The following CGN variants were observed in gnomAD, a reference collection of about 807,000 sequenced individuals.
CGN encodes the protein cingulin.
A neutral mutation model predicts 157.1 loss-of-function variants in CGN; 121 were observed. That is an observed-to-expected ratio of 0.77 (90% CI 0.66 to 0.90). CGN has a LOEUF of 0.90. Ranked by LOEUF, CGN falls within the 40% of genes least tolerant of loss-of-function variation. The pLI is 0.00. For synonymous variants in CGN, 535 were observed against 607.5 expected, an observed-to-expected ratio of 0.88 and a Z score of 1.76; for missense variants, 1,424 against 1,520.9, an observed-to-expected ratio of 0.94 and a Z score of 1.06.
chr1:151,518,132 C>A (rs1664452811), intron 1 of CGN, among the ~76,000 whole-genome samples: 1 of 152,228 alleles, frequency 6.6e-6, no homozygotes, highest in Non-Finnish European at 1.5e-5. Context: ...CAGGTGTGAG[C>A]CACTGCTCCT....
At chr1:151,519,564 G>A (rs186698061) in intron 2 of CGN, among the ~76,000 whole-genome samples, 172 bp downstream of exon 2, 101 of 152,334 alleles carry the variant, frequency 6.6e-4, no homozygotes, top group Non-Finnish European at 1.1e-3. Flanking sequence ...CACATGCACA[G>A]GATATTTCCA....
In CGN at chr1:151,526,775, A is replaced by G. The variant is rs548411285; in HGVS notation, c.1764-200A>G. ...AGGCATGAGCCACCATGCCTGGCCC[A>G]CTTCCTTTCTATCTATGGTATGCTC... On this transcript the variant is annotated intron_variant, in intron 9 of 20. Coordinates refer to ENST00000271636, the MANE Select transcript of CGN (RefSeq NM_020770.3). Among the ~76,000 whole-genome samples, 13 of 152,128 alleles carry G rather than the reference A, an allele frequency of 8.5e-5. No individual in the cohort carries two copies. In the South Asian group the frequency reaches 1.2e-3, roughly 15 times the overall value.
Position 151,519,099 on chromosome 1 carries a change from C to T in CGN, c.580C>T (p.Arg194Trp), listed in dbSNP as rs200877437. The T allele has an allele frequency of 2.2e-5, 35 of 1,614,066 alleles. No individual in the cohort carries two copies. Among genetic ancestry groups the T allele is most frequent in the African/African-American group, 2.7e-5 (2 of 75,060 alleles). The change falls in exon 2 of 21, where the codon CGG becomes TGG. Residue 194 changes from arginine (R) to tryptophan (W), a missense_variant. This residue lies in a region of CGN where 1,187 missense variants were observed against 1,217.6 expected (regional missense o/e 0.97). Transcript: ENST00000271636. ...TGACAGTCAACTTGGAGGCCAGGCC[C>T]GGGGTCGGACTGGCCGCCGAACACG... ...KFDSQLGGQA[R>W]GRTGRRTRML...
chr1:151,528,241 C>T (rs1039887536), intron 10 of CGN, among the ~76,000 whole-genome samples: 2 of 152,014 alleles, frequency 1.3e-5, no homozygotes, highest in Non-Finnish European at 2.9e-5. Context: ...CCCTCCTTGG[C>T]CTCCCAAAGT....
In CGN at chr1:151,520,598, G is replaced by A; in HGVS notation, c.1047G>A (p.Met349Ile). ...CACACCCCCCATATCTCTGGCAGATGGTTTCTTCTGGTTCTACTAAGGCCG... is the reference window on the plus strand; with the variant it reads ...CACACCCCCCATATCTCTGGCAGATAGTTTCTTCTGGTTCTACTAAGGCCG... ...LVLEKMQPLV[M>I]VSSGSTKAVA... The change falls in exon 5 of 21, where the codon ATG becomes ATA. Residue 349 changes from methionine to isoleucine, a missense_variant and splice_region_variant. Met to Ile is a conservative substitution (Grantham distance 10). Coordinates refer to ENST00000271636, the MANE Select transcript of CGN (RefSeq NM_020770.3). 1.9e-6 allele frequency: 3 copies of A among 1,614,212 alleles called. No homozygotes were observed. Among genetic ancestry groups the A allele is most frequent in the Non-Finnish European group, 1.7e-6 (2 of 1,180,030 alleles).
chr1:151,513,192 C>T (rs1228879224), intron 1 of CGN, among the ~76,000 whole-genome samples: 1 of 152,236 alleles, frequency 6.6e-6, no homozygotes, highest in African/African-American at 2.4e-5. Flanking sequence ...CCTCTGCCTC[C>T]TCCGTGGTGT....
Position 151,525,547 on chromosome 1 carries a change from C to A in CGN, c.1615-95C>A, listed in dbSNP as rs993114090. ...GGGGGTGCACCTGGCATGGTGCCCT[C>A]TGGGTCTAAGCCTTTCCTTGTACAC... On this transcript the variant is annotated intron_variant, in intron 8 of 20. Coordinates refer to ENST00000271636, the MANE Select transcript of CGN (RefSeq NM_020770.3). 1.6e-5 allele frequency: 17 copies of A among 1,055,154 alleles called. No homozygotes were observed. In the African/African-American group the frequency reaches 2.7e-4, roughly 16 times the overall value. 65.4% of individuals were successfully genotyped at this position (1,055,154 alleles called of 1,614,324 possible).
At position 151,533,963 on chromosome 1, in the gene CGN, C is replaced by T. The variant is rs1468071273; in HGVS notation, c.2743-12C>T. 4 of 1,597,454 alleles carry T rather than the reference C, an allele frequency of 2.5e-6. No individual in the cohort carries two copies. The highest frequency in any genetic ancestry group is 3.4e-6 in the Non-Finnish European group (4 of 1,174,694). On this transcript the variant is annotated splice_polypyrimidine_tract_variant and intron_variant, in intron 14 of 20. Transcript: ENST00000271636. ...ACTACACTGAGCTGTGGCATTTTTA[C>T]CCCCTGCCCAGATCCAGAGGCTGCG... is the stretch of plus-strand genomic sequence containing the variant.
Position 151,525,526 on chromosome 1 carries a change from G to A in CGN, c.1615-116G>A, listed in dbSNP as rs968392165. The A allele has an allele frequency of 7.3e-6, 5 of 683,528 alleles. No individual in the cohort carries two copies. The South Asian group carries it at 1.7e-4, about 23-fold the overall frequency. 42.3% of individuals were successfully genotyped at this position (683,528 alleles called of 1,614,324 possible). On this transcript the variant is annotated intron_variant, in intron 8 of 20. Transcript: ENST00000271636. ...CCAGGTACCACAAGAGTGTCAGGGGGTGCACCTGGCATGGTGCCCTCTGGG... is the reference window on the plus strand; with the variant it reads ...CCAGGTACCACAAGAGTGTCAGGGGATGCACCTGGCATGGTGCCCTCTGGG...
chr1:151,523,493 A>G lies in CGN; in HGVS notation c.1200A>G (p.Thr400=). The change falls in exon 6 of 21, where the codon ACA becomes ACG. Residue 400 remains threonine (T), a synonymous_variant. Transcript: ENST00000271636. The stretch of plus-strand genomic sequence containing the variant: ...TGGAGCGGCAGCTGGAGGAGAAAAC[A>G]GAAGAGTGCAGCCGACTGCAGGAGC... ...VGLERQLEEK[T]EECSRLQELL... is the part of the protein sequence containing the mutation. 1 of 1,613,660 alleles carries G rather than the reference A, an allele frequency of 6.2e-7. No individual in the cohort carries two copies. Among genetic ancestry groups the G allele is most frequent in the Non-Finnish European group, 8.5e-7 (1 of 1,179,814 alleles).
chr1:151,527,806 T>C, intron 10 of CGN: 1 of 58,046 alleles, frequency 1.7e-5, no homozygotes. Flanking sequence ...ATTTTGGTTT[T>C]ATACACACAC....
chr1:151,522,269 C>CA (rs1370201896), intron 5 of CGN, among the ~76,000 whole-genome samples: 1 of 151,760 alleles, frequency 6.6e-6, no homozygotes, highest in Non-Finnish European at 1.5e-5. Context: ...GACCCTGTCT[C>CA]AAAAAAATAT....
chr1:151,530,254 T>A (rs1664803571), intron 12 of CGN, 139 bp downstream of exon 12: 2 of 1,047,070 alleles, frequency 1.9e-6, no homozygotes. Context: ...TAACCTTGGG[T>A]TTATTTCCTG....
Position 151,537,206 on chromosome 1 carries a change from C to T in CGN, c.3472C>T (p.Arg1158Cys), listed in dbSNP as rs200436542. Residue 1158 changes from arginine to cysteine, a missense_variant and splice_region_variant, in exon 21 of 21, where the codon CGC becomes TGC. Around this residue, in one of 3 missense-constraint regions of CGN, gnomAD observed 199 missense variants for 272.2 expected, o/e 0.73. Transcript: ENST00000271636. ...RIKSLEKDSWRKASRSAAESA... is the reference protein window; with the variant it reads ...RIKSLEKDSWCKASRSAAESA... ...CCATTATTCTTCTCTCTGAGTCAGG[C>T]GCAAAGCTTCCCGCTCAGCTGCTGA... The T allele has an allele frequency of 2.0e-5, 33 of 1,612,656 alleles. No homozygotes were observed. The highest frequency in any genetic ancestry group is 1.8e-4 in the East Asian group (8 of 44,890).
At chr1:151,520,337 T>A in intron 3 of CGN, 71 bp downstream of exon 3, 1 of 1,566,702 alleles carries the variant, frequency 6.4e-7, no homozygotes, top group Admixed American at 1.7e-5. Context: ...TTTCCCATCT[T>A]CCCTGATTTT....
At chr1:151,526,834 C>T (rs1402537456) in intron 9 of CGN, 141 bp from the exon 10 acceptor site, 8 of 870,098 alleles carry the variant, frequency 9.2e-6, no homozygotes, top group East Asian at 5.2e-5. Context: ...CTCTTTTCCA[C>T]GTTCACCTTC....
rs1664721716 is a variant in CGN, at chr1:151,527,874, C to T, written c.1896+767C>T. ...TGGCAGCTGCAGGGATTGTGCTGAC[C>T]TGTTCTGTCAAAGTCTCTCCAGGTT... On this transcript the variant is annotated intron_variant, in intron 10 of 20. Coordinates refer to ENST00000271636, the MANE Select transcript of CGN (RefSeq NM_020770.3). 15 of 298,782 alleles carry T rather than the reference C, an allele frequency of 5.0e-5. 1 individual carries two copies. Among genetic ancestry groups the T allele is most frequent in the South Asian group, 4.0e-4 (14 of 34,700 alleles). The allele number at this position is 298,782 out of a possible 1,614,324, so 18.5% of individuals were successfully genotyped here.
chr1:151,524,090 T>C lies in CGN; in HGVS notation c.1269-136T>C. 1.3e-6 allele frequency: 1 copy of C among 756,306 alleles called. No individual in the cohort carries two copies. Among genetic ancestry groups the C allele is most frequent in the Non-Finnish European group, 2.1e-6 (1 of 472,670 alleles). 46.8% of individuals were successfully genotyped at this position (756,306 alleles called of 1,614,324 possible). A position where few individuals can be genotyped will look rare whatever the true frequency, so the allele number is the denominator to read the frequency against. On this transcript the variant is annotated intron_variant, in intron 6 of 20. Transcript: ENST00000271636. The surrounding 1 kb of genome is among the most constrained non-coding windows in gnomAD (Gnocchi z 4.4). ...GAGGGCCAGGTTGTAGCGGGGCAGGTTGCAAAAATCAGGGGAGGCCTCATC... is the reference window on the plus strand; with the variant it reads ...GAGGGCCAGGTTGTAGCGGGGCAGGCTGCAAAAATCAGGGGAGGCCTCATC...
intron 6 of CGN, 68 bp downstream of exon 6, chr1:151,523,629 CTT>C: frequency 6.9e-7 from 1 of 1,452,418 alleles, no homozygotes; most frequent in Non-Finnish European, 9.2e-7. Flanking sequence ...GCCACTCCCT[CTT>C]TGCCCCTAGG....
Sources: gnomAD v4.1 joint callset for allele counts (sites outside exome capture counted in the v4.1 genomes callset) on GRCh38, gnomAD v4.1.1 for gene constraint, gnomAD v4.1.1 regional missense constraint, Gnocchi (gnomAD v3.1) non-coding constraint, MANE v1.5 for transcripts, NCBI Gene and HGNC (gene_info 2026-07-23, HGNC 2026-07-21) for gene names.